Variants in LMBR1 observed in about 807,000 individuals in gnomAD.
The protein encoded by LMBR1 is limb development membrane protein 1, also known as limb region 1 protein homolog.
Under a neutral mutation model 73.9 loss-of-function variants are expected in LMBR1, and 52 were observed. The observed-to-expected ratio is 0.70, with a 90% confidence interval of 0.56 to 0.89. The LOEUF (loss-of-function observed/expected upper bound fraction) is 0.89. Among genes scored for constraint, LMBR1 ranks in the 40% least tolerant of loss-of-function variants. The probability of loss-of-function intolerance (pLI) is 0.00; values close to 1 mark genes in which losing one functional copy is unlikely to be tolerated. For synonymous variants in LMBR1, 215 were observed against 209.4 expected (o/e 1.03, Z -0.23); for missense variants, 539 against 579.8 (o/e 0.93, Z 0.72).
At chr7:156,852,276 G>A (rs754055676) in intron 1 of LMBR1, among the ~76,000 whole-genome samples, 13 of 152,120 alleles carry the variant, frequency 8.5e-5, no homozygotes, top group Non-Finnish European at 1.5e-4. Context: ...AATCCTCAGT[G>A]TCTGTATTGG....
chr7:156,877,225 T>C (rs1356170617), intron 1 of LMBR1, among the ~76,000 whole-genome samples: 1 of 150,058 alleles, frequency 6.7e-6, no homozygotes, highest in African/African-American at 2.5e-5. Flanking sequence ...GTACCCCAAA[T>C]AGACCAGTAA....
chr7:156,892,739 AGGAGAGGTGGGGAGGGAAGGGGAGG>A, intron 1 of LMBR1, 164 bp downstream of exon 1: 1 of 312,654 alleles, frequency 3.2e-6, no homozygotes. Flanking sequence ...GGGAGGGGAG[AGGAGAGGTGGGGAGGGAAGGGGAGG>A]GGAGGGGAGA....
chr7:156,729,807 T>C (rs571750666), intron 10 of LMBR1, among the ~76,000 whole-genome samples: 1 of 152,296 alleles, frequency 6.6e-6, no homozygotes, highest in South Asian at 2.1e-4. Context: ...CACTTCTAGT[T>C]TTCTAAAGGC....
At chr7:156,867,997 A>T (rs1014909122) in intron 1 of LMBR1, among the ~76,000 whole-genome samples, 3 of 152,176 alleles carry the variant, frequency 2.0e-5, no homozygotes, top group Non-Finnish European at 2.9e-5. Flanking sequence ...CTGTAATCCC[A>T]GGACTTTTAG....
intron 16 of LMBR1, among the ~76,000 whole-genome samples, chr7:156,686,543 A>G (rs573007390): frequency 6.6e-6 from 1 of 152,322 alleles, no homozygotes; most frequent in Middle Eastern, 3.4e-3. Context: ...GAATACTGAA[A>G]AACACTGGGG....
chr7:156,681,242 G>A lies in LMBR1; in HGVS notation c.*2836C>T, dbSNP rs1286861091. 2.3e-6 allele frequency: 1 copy of A among 437,900 alleles called. No homozygotes were observed. The highest frequency in any genetic ancestry group is 7.0e-5 in the East Asian group (1 of 14,288). The allele number at this position is 437,900 out of a possible 1,614,324, so 27.1% of individuals were successfully genotyped here. ...GGAGGGCCATGGGCACCCAGCAGATGGGGAGGCCGCACTGCCGCTGAGAGC... is the reference window on the plus strand; with the variant it reads ...GGAGGGCCATGGGCACCCAGCAGATAGGGAGGCCGCACTGCCGCTGAGAGC... On this transcript the variant is annotated 3_prime_UTR_variant, in exon 17 of 17. Coordinates refer to ENST00000353442, the MANE Select transcript of LMBR1 (RefSeq NM_022458.4).
chr7:156,679,421 T>A lies in LMBR1; in HGVS notation c.*4657A>T, dbSNP rs1804627642. On this transcript the variant is annotated 3_prime_UTR_variant, in exon 17 of 17. Coordinates refer to ENST00000353442, the MANE Select transcript of LMBR1 (RefSeq NM_022458.4). Reference sequence around the variant, plus strand: ...CGATGCTCCACTTGTCACTTAGTTCTCTGACTCTACTGTGGAGTCCATATA... The same window carrying A: ...CGATGCTCCACTTGTCACTTAGTTCACTGACTCTACTGTGGAGTCCATATA... 6.6e-6 allele frequency: 1 copy of A among 152,256 alleles called. No individual in the cohort carries two copies. The highest frequency in any genetic ancestry group is 2.4e-5 in the African/African-American group (1 of 41,464). The allele number at this position is 152,256 out of a possible 1,614,324, so 9.4% of individuals were successfully genotyped here.
chr7:156,762,091 A>G (rs374936838), intron 8 of LMBR1, 43 bp downstream of exon 8: 19 of 1,097,798 alleles, frequency 1.7e-5, no homozygotes, highest in Non-Finnish European at 2.5e-5. Flanking sequence ...AAATGTAAAC[A>G]CATTTATTTA....
intron 4 of LMBR1, among the ~76,000 whole-genome samples, chr7:156,817,776 G>C (rs561223143): frequency 6.6e-6 from 1 of 151,938 alleles, no homozygotes; most frequent in Non-Finnish European, 1.5e-5. Flanking sequence ...ACCCTTCCAG[G>C]TATTTTTTGA....
intron 15 of LMBR1, among the ~76,000 whole-genome samples, chr7:156,716,963 C>A (rs1813347075): frequency 6.6e-6 from 1 of 151,846 alleles, no homozygotes; most frequent in South Asian, 2.1e-4. Context: ...TAGAGTGAGA[C>A]CCCATCTCTA....
At chr7:156,788,120 C>T (rs956404120) in intron 5 of LMBR1, among the ~76,000 whole-genome samples, 7 of 152,068 alleles carry the variant, frequency 4.6e-5, no homozygotes, top group Middle Eastern at 3.2e-3. Flanking sequence ...GGTTTTAGGG[C>T]CATCCTGATG....
intron 2 of LMBR1, among the ~76,000 whole-genome samples, chr7:156,836,058 C>G (rs1413915745): frequency 2.0e-5 from 3 of 152,134 alleles, no homozygotes; most frequent in African/African-American, 7.2e-5. Context: ...AGTCACAGAG[C>G]CAAGTAACAG....
intron 5 of LMBR1, chr7:156,779,602 G>GAA (rs1390209688): frequency 1.4e-5 from 13 of 960,496 alleles, no homozygotes; most frequent in Non-Finnish European, 1.8e-5. Context: ...TTTTGTGCTG[G>GAA]TCAATTATAC....
chr7:156,842,613 TAC>T (rs1435980672), intron 1 of LMBR1, among the ~76,000 whole-genome samples: 1 of 152,192 alleles, frequency 6.6e-6, no homozygotes, highest in African/African-American at 2.4e-5. Flanking sequence ...GTTTTTGACA[TAC>T]AACTGAGTTT....
chr7:156,803,200 C>T (rs1157368016), intron 4 of LMBR1, among the ~76,000 whole-genome samples: 1 of 152,162 alleles, frequency 6.6e-6, no homozygotes, highest in East Asian at 1.9e-4. Flanking sequence ...AAACCACCAT[C>T]AGAGTGAACA....
At chr7:156,785,683 T>A (rs1394325480) in intron 5 of LMBR1, among the ~76,000 whole-genome samples, 1 of 152,100 alleles carries the variant, frequency 6.6e-6, no homozygotes, top group Non-Finnish European at 1.5e-5. Context: ...ACCTGTAGAA[T>A]AAATCTGAGC....
intron 9 of LMBR1, among the ~76,000 whole-genome samples, chr7:156,736,056 T>C (rs978998348): frequency 2.6e-5 from 4 of 152,180 alleles, no homozygotes; most frequent in Admixed American, 1.3e-4. Context: ...CTGGGATGAC[T>C]CAGTCCCGAG....
chr7:156,751,663 T>A (rs946252699), intron 9 of LMBR1, among the ~76,000 whole-genome samples: 2 of 152,202 alleles, frequency 1.3e-5, no homozygotes, highest in Non-Finnish European at 2.9e-5. Flanking sequence ...AGTCAGATTC[T>A]GGAGCTACTC....
At chr7:156,701,464 T>C (rs1389009702) in intron 15 of LMBR1, among the ~76,000 whole-genome samples, 2 of 152,180 alleles carry the variant, frequency 1.3e-5, no homozygotes, top group South Asian at 2.1e-4. Context: ...TGATTTCATA[T>C]ATATAAAATT....
Sources: allele counts gnomAD v4.1 joint callset (sites outside exome capture counted in the v4.1 genomes callset), GRCh38; gene constraint gnomAD v4.1.1; transcripts MANE v1.5; gene names NCBI Gene and HGNC (gene_info 2026-07-23, HGNC 2026-07-21).